CCDC149: variants seen among roughly 807,000 people sequenced by gnomAD.
The protein encoded by CCDC149 is coiled-coil domain-containing protein 149.
In CCDC149, 45 loss-of-function variants were observed where a neutral mutation model predicts 59.9. The ratio of observed to expected loss-of-function variants is 0.75; its 90% confidence interval spans 0.59 to 0.96. The LOEUF is 0.96. Among genes scored for constraint, CCDC149 ranks in the 40% least tolerant of loss-of-function variants. The probability of loss-of-function intolerance (pLI) is 0.00; values close to 1 mark genes in which losing one functional copy is unlikely to be tolerated. For missense variants in CCDC149, 584 were observed against 664.7 expected, an observed-to-expected ratio of 0.88 and a Z score of 1.33; for synonymous variants, 245 against 260.6, an observed-to-expected ratio of 0.94 and a Z score of 0.58.
intron 1 of CCDC149, chr4:24,895,001 C>T (rs1346061655): frequency 6.5e-7 from 1 of 1,536,188 alleles, no homozygotes; most frequent in Non-Finnish European, 8.7e-7. Context: ...CCTCAGAATC[C>T]CAAGTGGCCG....
rs996250840 is a variant in CCDC149, at chr4:24,968,223, G to A, written c.-65+11846C>T. ...TGCACGGGGTGCTTGAAAATGCTAG[G>A]AGGCTTTTGGTCCCAACTATGGAAG... On this transcript the variant is annotated intron_variant, in intron 1 of 12. Coordinates refer to the CCDC149 transcript ENST00000389609. Among the ~76,000 whole-genome samples, 7 of 152,208 alleles carry A rather than the reference G, an allele frequency of 4.6e-5. No individual in the cohort carries two copies. In the South Asian group the frequency reaches 1.5e-3, roughly 32 times the overall value.
intron 1 of CCDC149, among the ~76,000 whole-genome samples, chr4:24,928,879 G>A (rs1321979025): frequency 6.6e-6 from 1 of 152,202 alleles, no homozygotes; most frequent in Non-Finnish European, 1.5e-5. Flanking sequence ...AACTTCATGT[G>A]ACAGGCGGGG....
At chr4:24,885,175 C>T (rs1720088000) in intron 1 of CCDC149, among the ~76,000 whole-genome samples, 1 of 152,120 alleles carries the variant, frequency 6.6e-6, no homozygotes, top group Non-Finnish European at 1.5e-5. Flanking sequence ...GGATGTGGTG[C>T]TGAGGAGTTC....
chr4:24,862,113 A>T (rs1294853106), intron 3 of CCDC149, among the ~76,000 whole-genome samples: 1 of 152,222 alleles, frequency 6.6e-6, no homozygotes, highest in Non-Finnish European at 1.5e-5. Flanking sequence ...TAATTGTCTC[A>T]AAATGAAGTC....
In CCDC149 at chr4:24,837,201, C is replaced by G; in HGVS notation, c.662+27G>C. The G allele has an allele frequency of 6.2e-7, 1 of 1,607,944 alleles. No homozygotes were observed. Among genetic ancestry groups the G allele is most frequent in the Non-Finnish European group, 8.5e-7 (1 of 1,175,346 alleles). On this transcript the variant is annotated intron_variant, in intron 6 of 12. Coordinates refer to ENST00000635206, the MANE Select transcript of CCDC149 (RefSeq NM_001330643.2). This position sits in a 1 kb window ranked among gnomAD's most constrained non-coding sequence, Gnocchi z 4.3. Reference sequence around the variant, plus strand: ...CTGTGCAGAGCCAGCCTTCCTCCCACGCACAGGCCTGGGCCTGGCCACTTG... The same window carrying G: ...CTGTGCAGAGCCAGCCTTCCTCCCAGGCACAGGCCTGGGCCTGGCCACTTG...
chr4:24,970,718 T>C (rs1204474120), intron 1 of CCDC149, among the ~76,000 whole-genome samples: 4 of 152,174 alleles, frequency 2.6e-5, no homozygotes, highest in Non-Finnish European at 5.9e-5. Flanking sequence ...ACCAGTGGAC[T>C]GGACTGGATG....
chr4:24,907,145 C>T (rs966303444), intron 1 of CCDC149, among the ~76,000 whole-genome samples: 4 of 152,178 alleles, frequency 2.6e-5, no homozygotes, highest in South Asian at 4.1e-4. Flanking sequence ...GAGTTTCTGT[C>T]GTGAGGTTCA....
intron 1 of CCDC149, among the ~76,000 whole-genome samples, chr4:24,897,949 G>C (rs1434013397): frequency 6.6e-6 from 1 of 152,214 alleles, no homozygotes; most frequent in African/African-American, 2.4e-5. Context: ...GCACTCACCA[G>C]GTTGGAGCAA....
intron 1 of CCDC149, among the ~76,000 whole-genome samples, chr4:24,942,235 G>C (rs546131788): frequency 6.6e-6 from 1 of 152,306 alleles, no homozygotes; most frequent in East Asian, 1.9e-4. Flanking sequence ...TGCAAGGCTG[G>C]TTCAACATAC....
At chr4:24,853,925 A>G (rs1336885637) in intron 3 of CCDC149, among the ~76,000 whole-genome samples, 1 of 152,076 alleles carries the variant, frequency 6.6e-6, no homozygotes, top group East Asian at 1.9e-4. Flanking sequence ...ACATAGTACT[A>G]AATAGCCAGG....
intron 1 of CCDC149, among the ~76,000 whole-genome samples, chr4:24,944,913 T>A (rs1364456091): frequency 6.6e-6 from 1 of 152,148 alleles, no homozygotes; most frequent in Non-Finnish European, 1.5e-5. Flanking sequence ...CAGGTGCAGG[T>A]TCATTTCTGC....
intron 4 of CCDC149, among the ~76,000 whole-genome samples, chr4:24,841,517 T>C (rs1001685447): frequency 6.6e-6 from 1 of 152,242 alleles, no homozygotes; most frequent in African/African-American, 2.4e-5. Flanking sequence ...GTTGAAACAC[T>C]TATTTTTAAA....
chr4:24,979,185 G>A (rs1434143615), intron 1 of CCDC149, among the ~76,000 whole-genome samples: 1 of 152,182 alleles, frequency 6.6e-6, no homozygotes, highest in Non-Finnish European at 1.5e-5. Context: ...CCCTGTGTAA[G>A]GAACCTGGGA....
At chr4:24,919,437 T>C (rs1722221588) in intron 1 of CCDC149, among the ~76,000 whole-genome samples, 1 of 152,144 alleles carries the variant, frequency 6.6e-6, no homozygotes, top group Non-Finnish European at 1.5e-5. Context: ...TGGGTACACA[T>C]AAAAATGGTT....
Position 24,876,619 on chromosome 4 carries a change from G to A in CCDC149, c.142C>T (p.Gln48Ter). The change falls in exon 2 of 13, where the codon CAG (glutamine) becomes TAG (stop). Residue 48 changes from glutamine (Q) to a stop codon, truncating the protein, a stop_gained. Transcript: ENST00000635206. LOFTEE classifies it high-confidence loss of function. The stretch of plus-strand genomic sequence containing the variant: ...ATGAGTTTGTACTGGTCCCTTTCCT[G>A]TTGACAGGTGTCCAGCTCCTTGGAG... 1 of 1,614,140 alleles carries A rather than the reference G, an allele frequency of 6.2e-7. No individual in the cohort carries two copies.
chr4:24,913,819 G>T (rs1722035293), upstream of CCDC149, among the ~76,000 whole-genome samples: 1 of 152,214 alleles, frequency 6.6e-6, no homozygotes, highest in Non-Finnish European at 1.5e-5. Context: ...GAAGGCATTG[G>T]CATTAAGCTG....
At chr4:24,873,987 ATTTGTCAAAATTCTT>A (rs1352041449) in intron 2 of CCDC149, among the ~76,000 whole-genome samples, 1 of 152,296 alleles carries the variant, frequency 6.6e-6, no homozygotes, top group African/African-American at 2.4e-5. Context: ...CAAAAACTGG[ATTTGTCAAAATTCTT>A]TTTGATCACA....
intron 1 of CCDC149, among the ~76,000 whole-genome samples, chr4:24,937,378 A>T (rs1281456834): frequency 6.6e-6 from 1 of 152,190 alleles, no homozygotes; most frequent in African/African-American, 2.4e-5. Flanking sequence ...TAACCTATTG[A>T]CCAAATTTAG....
At chr4:24,940,215 G>A (rs1722913763) in intron 1 of CCDC149, among the ~76,000 whole-genome samples, 1 of 152,224 alleles carries the variant, frequency 6.6e-6, no homozygotes, top group African/African-American at 2.4e-5. Flanking sequence ...AACTCTACAA[G>A]CCAGAAGAGA....
Sources: gnomAD v4.1 joint callset for allele counts (sites outside exome capture counted in the v4.1 genomes callset) on GRCh38, gnomAD v4.1.1 for gene constraint, Gnocchi (gnomAD v3.1) non-coding constraint, MANE v1.5 for transcripts, NCBI Gene and HGNC (gene_info 2026-07-23, HGNC 2026-07-21) for gene names.